ITGA2B: variants seen among roughly 807,000 people sequenced by gnomAD.
ITGA2B encodes the protein integrin alpha-IIb.
ITGA2B carries 91 observed loss-of-function variants against 142.0 expected under a neutral mutation model. The ratio of observed to expected loss-of-function variants is 0.64; its 90% CI spans 0.54 to 0.76. The LOEUF is 0.76. Among genes scored for constraint, ITGA2B ranks in the 30% least tolerant of loss-of-function variants. The pLI, the probability that ITGA2B is intolerant of heterozygous loss-of-function variation, is 0.00. For missense variants in ITGA2B, 1,231 were observed against 1,350.8 expected (o/e 0.91, Z 1.39); for synonymous variants, 536 against 567.2 (o/e 0.94, Z 0.78).
At chr17:44,375,221 G>A in intron 26 of ITGA2B, 110 bp from the exon 27 acceptor site, 1 of 905,886 alleles carries the variant, frequency 1.1e-6, no homozygotes, top group South Asian at 1.4e-5. Flanking sequence ...TTCAGGAAGC[G>A]GTGGCCTTCC....
At chr17:44,380,857 A>T (rs776413564) in intron 13 of ITGA2B, 22 bp downstream of exon 13, 1 of 1,613,850 alleles carries the variant, frequency 6.2e-7, no homozygotes, top group Non-Finnish European at 8.5e-7. Flanking sequence ...GGGCATTTCT[A>T]GCTGGAGGCA....
intron 1 of ITGA2B, among the ~76,000 whole-genome samples, chr17:44,387,187 G>A (rs1215328464): frequency 1.3e-5 from 2 of 152,096 alleles, no homozygotes; most frequent in African/African-American, 4.8e-5. Flanking sequence ...GACAGCATTC[G>A]CCAACACCCC....
chr17:44,375,946 G>A lies in ITGA2B; in HGVS notation c.2488C>T (p.Leu830Phe), dbSNP rs770442857. ...GACTGTCCCGGAAGGTGGATGCTGA[G>A]GTGAAGACCATTCACAGTCCCAGGG... ...NGPGTVNGLH[L>F]SIHLPGQSQP... Residue 830 changes from leucine to phenylalanine, a missense_variant, in exon 25 of 30, where the codon CTC becomes TTC. Physicochemically the swap from Leu to Phe is conservative, Grantham distance 22 (BLOSUM62 0). Transcript: ENST00000262407. The A allele has an allele frequency of 8.1e-6, 13 of 1,614,000 alleles. No individual in the cohort carries two copies. The highest frequency in any genetic ancestry group is 1.3e-5 in the African/African-American group (1 of 74,920).
rs1353275961 is a variant in ITGA2B, at chr17:44,385,291, T to C, written c.619A>G (p.Thr207Ala). Reference protein sequence around the residue: ...YCEAGFSSVVTQAGELVLGAP... With the variant: ...YCEAGFSSVVAQAGELVLGAP... ...CGCTTTTGCTCCCTACTCGCCTGAGTGACCACGGAGCTGAAGCCCGCTTCA... is the reference window on the plus strand; with the variant it reads ...CGCTTTTGCTCCCTACTCGCCTGAGCGACCACGGAGCTGAAGCCCGCTTCA... Residue 207 changes from threonine to alanine, a missense_variant, in exon 5 of 30, where the codon ACT becomes GCT. Thr to Ala is a moderately conservative substitution (Grantham distance 58). Coordinates refer to ENST00000262407, the MANE Select transcript of ITGA2B (RefSeq NM_000419.5). 6.2e-7 allele frequency: 1 copy of C among 1,613,304 alleles called. No individual in the cohort carries two copies. The highest frequency in any genetic ancestry group is 1.7e-5 in the Admixed American group (1 of 60,010).
chr17:44,387,639 A>G (rs1598384274), intron 1 of ITGA2B, among the ~76,000 whole-genome samples: 1 of 151,458 alleles, frequency 6.6e-6, no homozygotes, highest in South Asian at 2.1e-4. Context: ...CACCCTGACC[A>G]ACATGGAGAA....
At position 44,372,423 on chromosome 17, in the gene ITGA2B, C is replaced by A. The variant is rs755197006; in HGVS notation, c.3061G>T (p.Val1021Phe). 1.2e-6 allele frequency: 2 copies of A among 1,614,004 alleles called. No individual in the cohort carries two copies. Among genetic ancestry groups the A allele is most frequent in the Non-Finnish European group, 1.7e-6 (2 of 1,179,970 alleles). ...GGCCGGTTCCGCTTGAAGAAGCCGACCTGGGGGTACACGGGGGCCAAGGTC... is the reference window on the plus strand; with the variant it reads ...GGCCGGTTCCGCTTGAAGAAGCCGAACTGGGGGTACACGGGGGCCAAGGTC... ...LTILVLAMWK[V>F]GFFKRNRPPL... is the part of the protein sequence containing the mutation. The change falls in exon 30 of 30, where the codon GTC becomes TTC. Residue 1021 changes from valine to phenylalanine, a missense_variant and splice_region_variant. Transcript: ENST00000262407.
chr17:44,377,682 G>T lies in ITGA2B; in HGVS notation c.2187+16C>A. 2.5e-6 allele frequency: 4 copies of T among 1,604,370 alleles called. No homozygotes were observed. Among genetic ancestry groups the T allele is most frequent in the South Asian group, 2.2e-5 (2 of 90,848 alleles). On this transcript the variant is annotated intron_variant, in intron 21 of 29. Coordinates refer to ENST00000262407, the MANE Select transcript of ITGA2B (RefSeq NM_000419.5). ...GCCCCTGGTGGAGACCCGGTACCAC[G>T]ACCCAGCAGCCTCACCTGGGCGTTC...
chr17:44,385,670 T>A lies in ITGA2B; in HGVS notation c.455A>T (p.Glu152Val). ...QHWNVLEKTEEAEKTPVGSCF... is the reference protein window; with the variant it reads ...QHWNVLEKTEVAEKTPVGSCF... The stretch of plus-strand genomic sequence containing the variant: ...GCTACCTACGGGCGTCTTCTCAGCC[T>A]CCTCAGTCTTTTCTAGGACGTTCCA... Residue 152 changes from glutamate (E) to valine (V), a missense_variant, in exon 4 of 30, where the codon GAG (glutamate) becomes GTG (valine). By Grantham distance (121) the Glu-to-Val change is moderately radical (BLOSUM62 -2). Coordinates refer to ENST00000262407, the MANE Select transcript of ITGA2B (RefSeq NM_000419.5). 6.2e-7 allele frequency: 1 copy of A among 1,613,750 alleles called. No individual in the cohort carries two copies.
At chr17:44,374,552 A>G in intron 28 of ITGA2B, 82 bp from the exon 29 acceptor site, 2 of 1,528,296 alleles carry the variant, frequency 1.3e-6, no homozygotes, top group Non-Finnish European at 1.8e-6. Context: ...GGTGACCTCC[A>G]GCCATGCCAC....
At chr17:44,381,144 G>A in intron 12 of ITGA2B, 83 bp from the exon 13 acceptor site, 1 of 1,367,976 alleles carries the variant, frequency 7.3e-7, no homozygotes, top group Non-Finnish European at 1.0e-6. Context: ...GCTTCTCTGG[G>A]AACATCCCAG....
chr17:44,376,630 C>T (rs979487775), intron 22 of ITGA2B, among the ~76,000 whole-genome samples: 2 of 151,800 alleles, frequency 1.3e-5, no homozygotes, highest in East Asian at 1.9e-4. Context: ...GATAGAATCT[C>T]GCACTGTCGC....
chr17:44,375,180 C>T, intron 26 of ITGA2B, 69 bp from the exon 27 acceptor site: 2 of 1,336,542 alleles, frequency 1.5e-6, no homozygotes, highest in Non-Finnish European at 2.1e-6. Context: ...ACCCCCTTAC[C>T]CCCAGGACCC....
intron 20 of ITGA2B, among the ~76,000 whole-genome samples, chr17:44,378,016 C>T (rs1187585062): frequency 2.0e-5 from 3 of 151,124 alleles, no homozygotes; most frequent in Non-Finnish European, 4.4e-5. Context: ...TAGAGTATGA[C>T]CCCCATTATT....
At position 44,389,400 on chromosome 17, in the gene ITGA2B, G is replaced by A. The variant is rs753672121; in HGVS notation, c.74C>T (p.Ala25Val). The part of the protein sequence containing the change: ...EWVLLLLGPC[A>V]APPAWALNLD... ...GTTCAAGGCCCAGGCTGGAGGGGCA[G>A]CACAAGGTCCCAAGAGCAGCAGCAC... The change falls in exon 1 of 30, where the codon GCT becomes GTT. Residue 25 changes from alanine to valine, a missense_variant. This residue lies in a region of ITGA2B where 318 missense variants were observed against 312.2 expected (regional missense o/e 1.02). Coordinates refer to ENST00000262407, the MANE Select transcript of ITGA2B (RefSeq NM_000419.5). 2 of 1,614,204 alleles carry A rather than the reference G, an allele frequency of 1.2e-6. No individual in the cohort carries two copies. The highest frequency in any genetic ancestry group is 1.7e-6 in the Non-Finnish European group (2 of 1,180,024).
In ITGA2B at chr17:44,377,724, C is replaced by T. The variant is rs1295161650; in HGVS notation, c.2161G>A (p.Gly721Ser). Reference protein sequence around the residue: ...NETRVVLCELGNPMKKNAQIG... With the variant: ...NETRVVLCELSNPMKKNAQIG... The stretch of plus-strand genomic sequence containing the variant: ...TGGGCGTTCTTCTTCATGGGGTTGC[C>T]CAGCTCACACAGCACCACCCTGGTC... The change falls in exon 21 of 30, where the codon GGC becomes AGC. Residue 721 changes from glycine to serine, a missense_variant. Physicochemically the swap from Gly to Ser is moderately conservative, Grantham distance 56. Transcript: ENST00000262407. 1.9e-6 allele frequency: 3 copies of T among 1,613,770 alleles called. No homozygotes were observed. The South Asian group carries it at 3.3e-5, about 18-fold the overall frequency.
Position 44,380,125 on chromosome 17 carries a change from C to G in ITGA2B, c.1629G>C (p.Arg543=). ...CCCGCCGGCCCTGGCGGGGCTTCTG[C>G]CGGTCCAGCTGCAGCTCGGCATTTA... ...LSLNAELQLD[R]QKPRQGRRVL... The change falls in exon 17 of 30, where the codon CGG becomes CGC. Residue 543 remains arginine (R), a synonymous_variant. Transcript: ENST00000262407. 3.1e-6 allele frequency: 5 copies of G among 1,613,792 alleles called. No homozygotes were observed. The highest frequency in any genetic ancestry group is 4.2e-6 in the Non-Finnish European group (5 of 1,179,970).
chr17:44,374,134 G>T (rs1048901163), intron 29 of ITGA2B: 1 of 560,074 alleles, frequency 1.8e-6, no homozygotes, highest in Non-Finnish European at 3.2e-6. Context: ...TCGAACTCTT[G>T]ACCTCAGGTG....
At position 44,384,083 on chromosome 17, in the gene ITGA2B, A is replaced by C. The variant is rs769810681; in HGVS notation, c.945+2T>G. On this transcript the variant is annotated splice_donor_variant, in intron 10 of 29. Transcript: ENST00000262407. LOFTEE classifies it high-confidence loss of function. ...CCACGCCCACTGGGACCTGGCCCCC[A>C]CCTGCTCTCCGCGCAGCCGATGCAG... 3 of 1,613,446 alleles carry C rather than the reference A, an allele frequency of 1.9e-6. No individual in the cohort carries two copies. Among genetic ancestry groups the C allele is most frequent in the East Asian group, 2.2e-5 (1 of 44,872 alleles).
In ITGA2B at chr17:44,389,537, C is replaced by T; in HGVS notation, c.-64G>A. ...GCTCCTCCTCCTTCCCTTCAGATTC[C>T]TCCACAGGAAGTCTTTTCTTATCAA... On this transcript the variant is annotated 5_prime_UTR_variant, in exon 1 of 30. Transcript: ENST00000262407. The T allele has an allele frequency of 6.4e-7, 1 of 1,558,176 alleles. No homozygotes were observed.
Sources: allele counts gnomAD v4.1 joint callset (sites outside exome capture counted in the v4.1 genomes callset), GRCh38; gene constraint gnomAD v4.1.1; regional missense constraint gnomAD v4.1.1; transcripts MANE v1.5; gene names NCBI Gene and HGNC (gene_info 2026-07-23, HGNC 2026-07-21).